SOX30: variants seen among roughly 807,000 people sequenced by gnomAD.
SOX30 encodes the protein transcription factor SOX-30.
SOX30 carries 17 observed loss-of-function variants against 58.6 expected under a neutral mutation model. The observed-to-expected ratio is 0.29, with a 90% confidence interval of 0.20 to 0.44. The LOEUF is 0.44. Among genes scored for constraint, SOX30 ranks in the 20% least tolerant of loss-of-function variants. The probability of loss-of-function intolerance (pLI) is 1.00; values close to 1 mark genes in which losing one functional copy is unlikely to be tolerated. For synonymous variants in SOX30, 421 were observed against 400.2 expected (o/e 1.05, Z -0.62); for missense variants, 951 against 965.8 (o/e 0.98, Z 0.20).
intron 3 of SOX30, among the ~76,000 whole-genome samples, chr5:157,641,232 A>T (rs1470580942): frequency 2.0e-5 from 3 of 152,142 alleles, no homozygotes; most frequent in Non-Finnish European, 2.9e-5. Flanking sequence ...CTACAGAAAA[A>T]AAAAAAGAAC....
chr5:157,649,375 A>T (rs759097707), intron 1 of SOX30, among the ~76,000 whole-genome samples: 8 of 152,216 alleles, frequency 5.3e-5, no homozygotes, highest in Non-Finnish European at 1.0e-4. Flanking sequence ...TTCAAGCAAA[A>T]CTATTTATAA....
intron 4 of SOX30, among the ~76,000 whole-genome samples, chr5:157,635,285 T>C (rs926830031): frequency 6.6e-6 from 1 of 152,204 alleles, no homozygotes; most frequent in Non-Finnish European, 1.5e-5. Flanking sequence ...TTATTATTAA[T>C]TAGCAGTAAT....
intron 1 of SOX30, among the ~76,000 whole-genome samples, chr5:157,670,965 G>C (rs1759767972): frequency 6.6e-6 from 1 of 152,178 alleles, no homozygotes; most frequent in Non-Finnish European, 1.5e-5. Context: ...ACCACTTATA[G>C]GGGTGGGCCA....
At chr5:157,643,818 C>T (rs1759126916) in intron 3 of SOX30, among the ~76,000 whole-genome samples, 1 of 152,078 alleles carries the variant, frequency 6.6e-6, no homozygotes, top group South Asian at 2.1e-4. Flanking sequence ...AAAGTATATA[C>T]ATTAACAACT....
Position 157,669,469 on chromosome 5 carries a change from G to A in SOX30, c.-3-1617C>T, listed in dbSNP as rs566278391. Among the ~76,000 whole-genome samples, 27 of 151,272 alleles carry A rather than the reference G, an allele frequency of 1.8e-4. No homozygotes were observed. In the South Asian group the frequency reaches 5.5e-3, roughly 31 times the overall value. ...CAAAGAGTTGGGATTATAGGTGTGA[G>A]CCACCGCGCCCATCAATTTTATTTA... On this transcript the variant is annotated intron_variant, in intron 1 of 5. Transcript: ENST00000519442.
Position 157,641,320 on chromosome 5 carries a change from T to C in SOX30, c.1388-2598A>G, listed in dbSNP as rs1018242565. Among the ~76,000 whole-genome samples, 4 of 152,048 alleles carry C rather than the reference T, an allele frequency of 2.6e-5. No individual in the cohort carries two copies. In the South Asian group the frequency reaches 8.3e-4, roughly 32 times the overall value. On this transcript the variant is annotated intron_variant, in intron 3 of 4. Coordinates refer to ENST00000265007, the MANE Select transcript of SOX30 (RefSeq NM_178424.2). ...AATAATGCACCAGACATAAAAATAA[T>C]ACCAGACAAGTGCTGGGCGTGGTGG...
chr5:157,638,647 C>G lies in SOX30; in HGVS notation c.1463G>C (p.Ser488Thr), dbSNP rs1348450375. Residue 488 changes from serine to threonine, a missense_variant, in exon 4 of 5, where the codon AGC becomes ACC. Coordinates refer to ENST00000265007, the MANE Select transcript of SOX30 (RefSeq NM_178424.2). ...SPSPVTLFQPSVSSAAQVAVQ... is the reference protein window; with the variant it reads ...SPSPVTLFQPTVSSAAQVAVQ... ...AGCCACCTGAGCAGCACTGGAGACG[C>G]TGGGCTGGAAAAGTGTGACAGGGCT... 17 of 1,614,010 alleles carry G rather than the reference C, an allele frequency of 1.1e-5. No homozygotes were observed. Among genetic ancestry groups the G allele is most frequent in the Non-Finnish European group, 1.4e-5 (16 of 1,180,030 alleles).
Position 157,627,720 on chromosome 5 carries a change from C to A in SOX30, c.1881-999G>T, listed in dbSNP as rs149647606. ...TAAAAGTTATGGTTTTTTGGCCGGGCGCGGTGGCTCACGCCTGTAATCCCA... is the reference window on the plus strand; with the variant it reads ...TAAAAGTTATGGTTTTTTGGCCGGGAGCGGTGGCTCACGCCTGTAATCCCA... On this transcript the variant is annotated intron_variant, in intron 4 of 4. Transcript: ENST00000265007. Among the ~76,000 whole-genome samples, 443 of 152,138 alleles carry A rather than the reference C, an allele frequency of 2.9e-3. 4 individuals carry two copies. The highest frequency in any genetic ancestry group is 9.9e-3 in the African/African-American group (410 of 41,528).
intron 3 of SOX30, among the ~76,000 whole-genome samples, chr5:157,642,897 CAG>C (rs1165396309): frequency 1.2e-4 from 19 of 152,112 alleles, no homozygotes; most frequent in Non-Finnish European, 2.2e-4. Flanking sequence ...TGACAGAGAA[CAG>C]AGAGACTCAA....
chr5:157,635,440 A>G (rs911529178), intron 4 of SOX30, among the ~76,000 whole-genome samples: 3 of 152,162 alleles, frequency 2.0e-5, no homozygotes, highest in Non-Finnish European at 2.9e-5. Flanking sequence ...CCTGACCAAT[A>G]TGGTGAAACC....
intron 4 of SOX30, among the ~76,000 whole-genome samples, chr5:157,637,002 G>A (rs145259655): frequency 0.012 from 1,764 of 152,028 alleles, 15 homozygotes; most frequent in Non-Finnish European, 0.016. Context: ...GCGTGGTGAC[G>A]CATGCCTGTA....
chr5:157,649,525 C>T (rs577115374), intron 1 of SOX30, among the ~76,000 whole-genome samples: 1 of 152,308 alleles, frequency 6.6e-6, no homozygotes, highest in Admixed American at 6.5e-5. Context: ...TACGGTGGCT[C>T]ACGCCTGTAA....
At chr5:157,633,366 C>G (rs1295802732) in intron 4 of SOX30, among the ~76,000 whole-genome samples, 1 of 152,138 alleles carries the variant, frequency 6.6e-6, no homozygotes, top group Non-Finnish European at 1.5e-5. Context: ...ACCAATGAAA[C>G]TATTTCTGAA....
chr5:157,627,943 G>A (rs911082769), intron 4 of SOX30, among the ~76,000 whole-genome samples: 36 of 151,244 alleles, frequency 2.4e-4, no homozygotes, highest in Admixed American at 2.0e-4. Flanking sequence ...GCAGTGAGCC[G>A]CGATCACGCC....
intron 4 of SOX30, among the ~76,000 whole-genome samples, chr5:157,636,028 A>G (rs576589402): frequency 6.6e-6 from 1 of 152,364 alleles, no homozygotes; most frequent in South Asian, 2.1e-4. Flanking sequence ...CATTTATTTA[A>G]CTGAAAAAGT....
intron 2 of SOX30, among the ~76,000 whole-genome samples, chr5:157,658,345 C>A (rs568384838): frequency 5.4e-4 from 82 of 152,312 alleles, no homozygotes; most frequent in African/African-American, 1.8e-3. Flanking sequence ...CTGTGGTACA[C>A]TTGTTATTAA....
At chr5:157,660,748 A>G (rs1005654013) in intron 2 of SOX30, among the ~76,000 whole-genome samples, 6 of 152,148 alleles carry the variant, frequency 3.9e-5, no homozygotes, top group African/African-American at 1.4e-4. Context: ...AAGTCCTTGA[A>G]CTTTGTTCTT....
rs186679425 is a variant in SOX30, at chr5:157,630,856, T to C, written c.1881-4135A>G. 3.4e-3 allele frequency among the ~76,000 whole-genome samples: 414 copies of C among 121,282 alleles called. 4 individuals carry two copies. Among genetic ancestry groups the C allele is most frequent in the African/African-American group, 0.015 (385 of 25,202 alleles). The allele number at this position is 121,282 out of a possible 152,430, so 79.6% of individuals were successfully genotyped here. ...ATATATATACATTATATATATATTA[T>C]ATATTTTTATATATATATATACAAT... On this transcript the variant is annotated intron_variant, in intron 4 of 4. Transcript: ENST00000265007.
At position 157,664,615 on chromosome 5, in the gene SOX30, C is replaced by T. The variant is rs189158055; in HGVS notation, c.52+3183G>A. 5.2e-3 allele frequency among the ~76,000 whole-genome samples: 791 copies of T among 152,232 alleles called. 8 individuals carry two copies. The highest frequency in any genetic ancestry group is 0.018 in the African/African-American group (761 of 41,542). On this transcript the variant is annotated intron_variant, in intron 2 of 5. Coordinates refer to the SOX30 transcript ENST00000519442. ...AATTGACAAATGGGATCTAATTAAA[C>T]TAAAGAGCTTCTGCACATCAAAAGA...
Sources: allele counts gnomAD v4.1 joint callset (sites outside exome capture counted in the v4.1 genomes callset), GRCh38; gene constraint gnomAD v4.1.1; transcripts MANE v1.5; gene names NCBI Gene and HGNC (gene_info 2026-07-23, HGNC 2026-07-21).